Variants in NRG1 observed in about 807,000 individuals in gnomAD.
NRG1 encodes neuregulin 1.
In NRG1, 18 loss-of-function variants were observed where a neutral mutation model predicts 63.8. The ratio of observed to expected loss-of-function variants is 0.28; its 90% CI spans 0.19 to 0.42. The LOEUF is 0.42. Ranked by LOEUF, NRG1 falls within the 10% of genes least tolerant of loss-of-function variation. The pLI is 1.00. For missense variants in NRG1, 762 were observed against 814.7 expected (o/e 0.94, Z 0.79); for synonymous variants, 302 against 301.3 (o/e 1.00, Z -0.02).
intron 1 of NRG1, among the ~76,000 whole-genome samples, chr8:32,439,445 A>T (rs1161678588): frequency 6.6e-6 from 1 of 152,172 alleles, no homozygotes; most frequent in African/African-American, 2.4e-5. Flanking sequence ...GATGAAAAAG[A>T]AAGATAAGGC....
chr8:32,358,660 T>C (rs1280106140), intron 1 of NRG1, among the ~76,000 whole-genome samples: 3 of 152,156 alleles, frequency 2.0e-5, no homozygotes, highest in Non-Finnish European at 2.9e-5. Context: ...CAGAGACTTA[T>C]AGATCATCTT....
At chr8:31,824,939 G>A (rs1218324313) in intron 1 of NRG1, among the ~76,000 whole-genome samples, 8 of 152,060 alleles carry the variant, frequency 5.3e-5, no homozygotes, top group Admixed American at 2.6e-4. Context: ...ACCACATAAC[G>A]GGAAAAGAAA....
In NRG1 at chr8:31,809,527, C is replaced by A. The variant is rs185244282; in HGVS notation, c.37+170096C>A. On this transcript the variant is annotated intron_variant, in intron 1 of 10. Coordinates refer to the NRG1 transcript ENST00000519301. ...CTTGTCCTATAATCTGGACCAAACC[C>A]AAGGTACACATTTGTAGCTCACAAA... 3.8e-3 allele frequency among the ~76,000 whole-genome samples: 575 copies of A among 150,812 alleles called. 1 individual carries two copies. Among genetic ancestry groups the A allele is most frequent in the Middle Eastern group, 0.021 (6 of 292 alleles).
intron 1 of NRG1, among the ~76,000 whole-genome samples, chr8:31,682,628 AT>A (rs1042738532): frequency 6.6e-6 from 1 of 151,842 alleles, no homozygotes; most frequent in African/African-American, 2.4e-5. Context: ...TGTGCCTATA[AT>A]TTTTTTTCAA....
chr8:32,731,088 A>G (rs1018437343), intron 6 of NRG1, among the ~76,000 whole-genome samples: 3 of 152,148 alleles, frequency 2.0e-5, no homozygotes, highest in African/African-American at 7.2e-5. Flanking sequence ...GCATACCTCT[A>G]AGGAACCAGG....
At chr8:32,495,395 A>G (rs969715075) in intron 1 of NRG1, among the ~76,000 whole-genome samples, 1 of 152,204 alleles carries the variant, frequency 6.6e-6, no homozygotes, top group Non-Finnish European at 1.5e-5. Context: ...AGGCTTCCCC[A>G]GCCATGTGGA....
intron 1 of NRG1, among the ~76,000 whole-genome samples, chr8:31,708,503 TG>T (rs1811385048): frequency 6.7e-6 from 1 of 148,366 alleles, no homozygotes; most frequent in African/African-American, 2.5e-5. Flanking sequence ...TGGAGTGCAG[TG>T]GCGGGATCTC....
intron 1 of NRG1, among the ~76,000 whole-genome samples, chr8:32,476,613 A>G (rs1353223365): frequency 1.3e-5 from 2 of 152,182 alleles, no homozygotes; most frequent in Non-Finnish European, 2.9e-5. Context: ...CGGAAATTAT[A>G]TGTTGGGTAG....
chr8:32,667,662 T>C (rs1327737233), intron 5 of NRG1, among the ~76,000 whole-genome samples: 1 of 152,184 alleles, frequency 6.6e-6, no homozygotes, highest in Non-Finnish European at 1.5e-5. Flanking sequence ...ATGTTTTTAA[T>C]CTAGAGAGCT....
chr8:31,783,354 A>G (rs1454458804), intron 1 of NRG1, among the ~76,000 whole-genome samples: 1 of 152,202 alleles, frequency 6.6e-6, no homozygotes, highest in Non-Finnish European at 1.5e-5. Context: ...TAACTTTTAA[A>G]GTTAACATTT....
chr8:32,237,708 C>A (rs1228152673), intron 1 of NRG1, among the ~76,000 whole-genome samples: 1 of 152,132 alleles, frequency 6.6e-6, no homozygotes, highest in Non-Finnish European at 1.5e-5. Context: ...CACCTAGAAA[C>A]ATCAATTGAA....
At chr8:32,470,183 CT>C (rs33936895) in intron 1 of NRG1, among the ~76,000 whole-genome samples, 159 of 124,686 alleles carry the variant, frequency 1.3e-3, no homozygotes, top group Middle Eastern at 5.6e-3. Context: ...GAAAAGGACT[CT>C]TTTTTTTTTT....
chr8:31,941,010 C>G (rs1201362553), intron 1 of NRG1, among the ~76,000 whole-genome samples: 1 of 151,964 alleles, frequency 6.6e-6, no homozygotes, highest in Admixed American at 6.6e-5. Context: ...GAAAATCTTC[C>G]AAATGATAGA....
intron 1 of NRG1, among the ~76,000 whole-genome samples, chr8:32,402,877 GT>G (rs1813406983): frequency 6.6e-6 from 1 of 152,144 alleles, no homozygotes; most frequent in Admixed American, 6.5e-5. Context: ...CATCCACTGG[GT>G]GTCATGGAAT....
At chr8:32,354,767 T>C (rs1806126407) in intron 1 of NRG1, among the ~76,000 whole-genome samples, 1 of 147,586 alleles carries the variant, frequency 6.8e-6, no homozygotes, top group Non-Finnish European at 1.5e-5. Flanking sequence ...CTTTTTTGTA[T>C]ATTGAGTTAT....
At position 32,135,007 on chromosome 8, in the gene NRG1, A is replaced by C. The variant is rs571918552; in HGVS notation, c.38-460821A>C. ...GATCTGAATGACAGAAAGAAAAGCC[A>C]TGCAAAAATCAAGGAGTAGGGTGTG... On this transcript the variant is annotated intron_variant, in intron 1 of 10. Transcript: ENST00000519301. Among the ~76,000 whole-genome samples, 7 of 152,332 alleles carry C rather than the reference A, an allele frequency of 4.6e-5. No homozygotes were observed. In the South Asian group the frequency reaches 1.4e-3, roughly 32 times the overall value.
At chr8:32,740,259 G>A (rs1373941059) in intron 6 of NRG1, among the ~76,000 whole-genome samples, 9 of 132,516 alleles carry the variant, frequency 6.8e-5, no homozygotes, top group East Asian at 4.6e-4. Context: ...GCAATGGCAC[G>A]ATCTCAGCTT....
At chr8:32,228,546 T>C (rs1346607771) in intron 1 of NRG1, among the ~76,000 whole-genome samples, 5 of 152,194 alleles carry the variant, frequency 3.3e-5, no homozygotes, top group Non-Finnish European at 5.9e-5. Flanking sequence ...ATTTATTAGT[T>C]TTTTAATTTA....
chr8:31,996,787 C>A (rs1049188883), intron 1 of NRG1, among the ~76,000 whole-genome samples: 6 of 151,926 alleles, frequency 3.9e-5, no homozygotes, highest in African/African-American at 7.2e-5. Flanking sequence ...AAATATATAT[C>A]TTTCAGCTTA....
Sources: gnomAD v4.1 joint callset for allele counts (sites outside exome capture counted in the v4.1 genomes callset) on GRCh38, gnomAD v4.1.1 for gene constraint, MANE v1.5 for transcripts, NCBI Gene and HGNC (gene_info 2026-07-23, HGNC 2026-07-21) for gene names.